The following NXPH1 variants were observed in gnomAD, a reference collection of about 807,000 sequenced individuals.
NXPH1 encodes neurexophilin-1.
A neutral mutation model predicts 23.7 loss-of-function variants in NXPH1; 5 were observed. The observed-to-expected ratio is 0.21, with a 90% CI of 0.11 to 0.44. The LOEUF is 0.44. Ranked by LOEUF, NXPH1 falls within the 20% of genes least tolerant of loss-of-function variation. NXPH1 has a pLI of 0.99. For missense variants in NXPH1, 324 were observed against 321.6 expected, an observed-to-expected ratio of 1.01 and a Z score of -0.06; for synonymous variants, 144 against 122.2, an observed-to-expected ratio of 1.18 and a Z score of -1.18.
At chr7:8,671,126 T>C (rs963865572) in intron 2 of NXPH1, among the ~76,000 whole-genome samples, 1 of 152,202 alleles carries the variant, frequency 6.6e-6, no homozygotes, top group Non-Finnish European at 1.5e-5. Context: ...AAGGCAAAAA[T>C]ACTTCTGTAC....
chr7:8,555,096 A>T (rs751738891), intron 2 of NXPH1, among the ~76,000 whole-genome samples: 39 of 151,728 alleles, frequency 2.6e-4, no homozygotes, highest in Non-Finnish European at 5.3e-4. Flanking sequence ...AAAGGCATTG[A>T]ATGAAAGGAC....
intron 2 of NXPH1, among the ~76,000 whole-genome samples, chr7:8,508,891 T>A (rs115862648): frequency 0.017 from 2,609 of 152,134 alleles, 56 homozygotes; most frequent in African/African-American, 0.059. Flanking sequence ...CTATGGTCAT[T>A]TGGGGAGGCG....
At chr7:8,505,222 C>T (rs936230310) in intron 2 of NXPH1, among the ~76,000 whole-genome samples, 3 of 152,010 alleles carry the variant, frequency 2.0e-5, no homozygotes, top group Admixed American at 2.0e-4. Flanking sequence ...GTACCCTTAA[C>T]TCTCTGTTTC....
rs113532969 is a variant in NXPH1, at chr7:8,598,095, C to A, written c.55-152913C>A. ...GAGTTAAAGGCATTAGGGTTTGAAT[C>A]CTGCCCATGCTCATATATAGAGCAT... On this transcript the variant is annotated intron_variant, in intron 2 of 2. Coordinates refer to ENST00000405863, the MANE Select transcript of NXPH1 (RefSeq NM_152745.3). Among the ~76,000 whole-genome samples the A allele has an allele frequency of 2.4e-3, 358 of 152,252 alleles. 2 individuals are homozygous for A. Among genetic ancestry groups the A allele is most frequent in the African/African-American group, 8.1e-3 (335 of 41,566 alleles).
chr7:8,605,862 C>T (rs1403645317), intron 2 of NXPH1, among the ~76,000 whole-genome samples: 1 of 152,086 alleles, frequency 6.6e-6, no homozygotes, highest in East Asian at 1.9e-4. Flanking sequence ...TTTGTAAAAG[C>T]ACCATTCTTG....
chr7:8,654,618 T>A (rs1820544142), intron 2 of NXPH1, among the ~76,000 whole-genome samples: 1 of 152,210 alleles, frequency 6.6e-6, no homozygotes. Context: ...AAACATTCCA[T>A]GAGGCATGTG....
chr7:8,736,700 C>G (rs530556762), intron 2 of NXPH1, among the ~76,000 whole-genome samples: 4 of 152,300 alleles, frequency 2.6e-5, no homozygotes, highest in African/African-American at 9.6e-5. Context: ...TTTTCTGTCT[C>G]ATTGATCTGT....
intron 2 of NXPH1, among the ~76,000 whole-genome samples, chr7:8,691,865 C>T (rs1821226654): frequency 6.6e-6 from 1 of 152,048 alleles, no homozygotes; most frequent in South Asian, 2.1e-4. Context: ...CTATCAAGTG[C>T]TATGTGAAGA....
intron 2 of NXPH1, among the ~76,000 whole-genome samples, chr7:8,532,966 C>A (rs1817971624): frequency 6.6e-6 from 1 of 152,118 alleles, no homozygotes; most frequent in Admixed American, 6.5e-5. Context: ...CCACTGCCAG[C>A]AGCCAGGATT....
At chr7:8,479,169 T>C (rs994198156) in intron 2 of NXPH1, among the ~76,000 whole-genome samples, 1 of 152,108 alleles carries the variant, frequency 6.6e-6, no homozygotes, top group African/African-American at 2.4e-5. Flanking sequence ...CAAGTATCTA[T>C]AAAACAGCAG....
chr7:8,538,719 C>G (rs758579372), intron 2 of NXPH1, among the ~76,000 whole-genome samples: 3 of 151,906 alleles, frequency 2.0e-5, no homozygotes, highest in Non-Finnish European at 4.4e-5. Context: ...TGAAAGAAGA[C>G]TTGGACATTA....
intron 2 of NXPH1, among the ~76,000 whole-genome samples, chr7:8,446,440 T>G (rs1217111964): frequency 6.6e-6 from 1 of 152,208 alleles, no homozygotes; most frequent in African/African-American, 2.4e-5. Flanking sequence ...AAAAGGCCTG[T>G]CTAACATTGC....
chr7:8,639,882 T>C lies in NXPH1; in HGVS notation c.55-111126T>C, dbSNP rs181803879. 1.1e-3 allele frequency among the ~76,000 whole-genome samples: 166 copies of C among 152,306 alleles called. 1 individual carries two copies. The highest frequency in any genetic ancestry group is 0.01 in the Admixed American group (158 of 15,288). ...TGATTCTGAGGCCTGCCTAGTCATGTGAAACTGTAAGACCAATTAAACGTC... is the reference window on the plus strand; with the variant it reads ...TGATTCTGAGGCCTGCCTAGTCATGCGAAACTGTAAGACCAATTAAACGTC... On this transcript the variant is annotated intron_variant, in intron 2 of 2. Coordinates refer to ENST00000405863, the MANE Select transcript of NXPH1 (RefSeq NM_152745.3).
chr7:8,588,292 G>A (rs1819019864), intron 2 of NXPH1, among the ~76,000 whole-genome samples: 1 of 152,080 alleles, frequency 6.6e-6, no homozygotes, highest in African/African-American at 2.4e-5. Context: ...TAAAGACACA[G>A]GAGTGAATTT....
At chr7:8,618,273 T>G (rs775743142) in intron 2 of NXPH1, among the ~76,000 whole-genome samples, 46 of 152,142 alleles carry the variant, frequency 3.0e-4, no homozygotes, top group Non-Finnish European at 5.4e-4. Context: ...AACATTTAAT[T>G]TGATATTTTC....
chr7:8,632,158 G>A (rs751092571), intron 2 of NXPH1, among the ~76,000 whole-genome samples: 7 of 151,790 alleles, frequency 4.6e-5, no homozygotes, highest in Non-Finnish European at 7.4e-5. Context: ...TCTCTCCAGG[G>A]GCTGAGTGTT....
At chr7:8,524,800 A>G (rs1031297352) in intron 2 of NXPH1, among the ~76,000 whole-genome samples, 1 of 152,128 alleles carries the variant, frequency 6.6e-6, no homozygotes, top group Non-Finnish European at 1.5e-5. Flanking sequence ...ACCATGTAAG[A>G]TGTGACTTTT....
chr7:8,531,345 A>C (rs1817946366), intron 2 of NXPH1, among the ~76,000 whole-genome samples: 1 of 152,222 alleles, frequency 6.6e-6, no homozygotes, highest in Admixed American at 6.5e-5. Context: ...GTACTACATA[A>C]TAATGTCATA....
intron 2 of NXPH1, among the ~76,000 whole-genome samples, chr7:8,546,293 G>A (rs750020037): frequency 6.6e-6 from 1 of 151,392 alleles, no homozygotes; most frequent in Non-Finnish European, 1.5e-5. Context: ...GAGTTCGGGA[G>A]AGAAAGTCAC....
Sources: allele counts gnomAD v4.1 joint callset (sites outside exome capture counted in the v4.1 genomes callset), GRCh38; gene constraint gnomAD v4.1.1; transcripts MANE v1.5; gene names NCBI Gene and HGNC (gene_info 2026-07-23, HGNC 2026-07-21).